Variants in KIAA1958 observed in about 807,000 individuals in gnomAD.
KIAA1958 encodes KIAA1958.
A neutral mutation model predicts 47.2 loss-of-function variants in KIAA1958; 14 were observed. That is an observed-to-expected ratio of 0.30 (90% CI 0.20 to 0.46). KIAA1958 has a LOEUF of 0.46. Ranked by LOEUF, KIAA1958 falls within the 20% of genes least tolerant of loss-of-function variation. The probability of loss-of-function intolerance (pLI) is 1.00; values close to 1 mark genes in which losing one functional copy is unlikely to be tolerated. For synonymous variants in KIAA1958, 354 were observed against 353.3 expected (o/e 1.00, Z -0.02); for missense variants, 803 against 909.2 (o/e 0.88, Z 1.50).
At chr9:112,548,153 G>A (rs973417513) in intron 1 of KIAA1958, among the ~76,000 whole-genome samples, 3 of 151,852 alleles carry the variant, frequency 2.0e-5, no homozygotes, top group South Asian at 2.1e-4. Context: ...ACAGGCAAGC[G>A]CCACCACACC....
At chr9:112,492,501 C>G (rs1039646991) in intron 1 of KIAA1958, among the ~76,000 whole-genome samples, 2 of 152,188 alleles carry the variant, frequency 1.3e-5, no homozygotes, top group Non-Finnish European at 2.9e-5. Context: ...GCCTATAACA[C>G]AGTCCATCCC....
chr9:112,557,102 G>T (rs1835255521), intron 1 of KIAA1958, among the ~76,000 whole-genome samples: 1 of 152,094 alleles, frequency 6.6e-6, no homozygotes, highest in Non-Finnish European at 1.5e-5. Context: ...GGGACTAACG[G>T]CACGTACCAC....
chr9:112,529,713 C>T (rs1397445117), intron 1 of KIAA1958, among the ~76,000 whole-genome samples: 2 of 152,152 alleles, frequency 1.3e-5, no homozygotes, highest in African/African-American at 4.8e-5. Context: ...ACTGTTGATG[C>T]CTTGAACCCT....
chr9:112,586,207 A>C (rs774346443), intron 2 of KIAA1958, among the ~76,000 whole-genome samples: 1 of 152,234 alleles, frequency 6.6e-6, no homozygotes, highest in Non-Finnish European at 1.5e-5. Context: ...TGGTTAAATG[A>C]ACAATTAAGC....
chr9:112,650,404 C>T (rs1030461219), intron 3 of KIAA1958, among the ~76,000 whole-genome samples: 6 of 151,968 alleles, frequency 3.9e-5, no homozygotes, highest in African/African-American at 1.2e-4. Context: ...GGAAAAAATG[C>T]ATACAGCAAT....
At chr9:112,557,143 A>AAG (rs1491045060) in intron 1 of KIAA1958, among the ~76,000 whole-genome samples, 1 of 140,910 alleles carries the variant, frequency 7.1e-6, no homozygotes, top group East Asian at 2.0e-4. Flanking sequence ...AGTCTTTTGT[A>AAG]GAGACAGGGT....
intron 2 of KIAA1958, among the ~76,000 whole-genome samples, chr9:112,643,766 A>G (rs1836931120): frequency 6.6e-6 from 1 of 152,238 alleles, no homozygotes; most frequent in Non-Finnish European, 1.5e-5. Flanking sequence ...AAAAAATAGT[A>G]AAGCAAATGT....
At chr9:112,594,441 C>G (rs1445940293) in intron 2 of KIAA1958, among the ~76,000 whole-genome samples, 1 of 152,176 alleles carries the variant, frequency 6.6e-6, no homozygotes, top group East Asian at 1.9e-4. Context: ...ACCCCCTAGT[C>G]TATGGATTTG....
intron 1 of KIAA1958, among the ~76,000 whole-genome samples, chr9:112,533,592 A>ACC (rs1215322889): frequency 2.3e-4 from 35 of 151,164 alleles, no homozygotes; most frequent in African/African-American, 6.5e-4. Flanking sequence ...AAAAAAAAAA[A>ACC]AAAAAAAAAA....
At chr9:112,548,574 T>C (rs1028455392) in intron 1 of KIAA1958, among the ~76,000 whole-genome samples, 1 of 152,196 alleles carries the variant, frequency 6.6e-6, no homozygotes, top group African/African-American at 2.4e-5. Flanking sequence ...TCAGGCTATA[T>C]TGTTGTTACT....
At chr9:112,577,349 A>G (rs1835663092) in intron 2 of KIAA1958, among the ~76,000 whole-genome samples, 1 of 152,098 alleles carries the variant, frequency 6.6e-6, no homozygotes, top group Non-Finnish European at 1.5e-5. Context: ...TGATCATTGA[A>G]TAACAATGTG....
chr9:112,521,086 TAAAA>T (rs952677198), intron 1 of KIAA1958, among the ~76,000 whole-genome samples: 7 of 152,180 alleles, frequency 4.6e-5, no homozygotes, highest in Admixed American at 6.5e-5. Context: ...ATTTTTCAAT[TAAAA>T]AAATTTTCTA....
intron 2 of KIAA1958, among the ~76,000 whole-genome samples, chr9:112,595,220 AC>A (rs1445324258): frequency 6.6e-6 from 1 of 152,254 alleles, no homozygotes; most frequent in African/African-American, 2.4e-5. Flanking sequence ...ACAATTAGAT[AC>A]AAGATAATCC....
chr9:112,664,033 T>C lies in KIAA1958; in HGVS notation c.*3964T>C, dbSNP rs1209607310. On this transcript the variant is annotated 3_prime_UTR_variant, in exon 4 of 4. Transcript: ENST00000337530. ...ATGCCGATATCACTTTGCTTAGCTA[T>C]AAAGTGCCATCAGTGGGATGGATCG... is the stretch of plus-strand genomic sequence containing the variant. 1 of 152,254 alleles carries C rather than the reference T, an allele frequency of 6.6e-6. No individual in the cohort carries two copies. The highest frequency in any genetic ancestry group is 1.5e-5 in the Non-Finnish European group (1 of 68,042). 9.4% of individuals were successfully genotyped at this position (152,254 alleles called of 1,614,324 possible). A position where few individuals can be genotyped will look rare whatever the true frequency, so the allele number is the denominator to read the frequency against.
chr9:112,501,944 AAAT>A (rs1453551411), intron 1 of KIAA1958, among the ~76,000 whole-genome samples: 1 of 152,266 alleles, frequency 6.6e-6, no homozygotes, highest in Non-Finnish European at 1.5e-5. Flanking sequence ...AAACCCTAAT[AAAT>A]AATAGATAAA....
At chr9:112,599,109 G>A (rs1231275609) in intron 2 of KIAA1958, among the ~76,000 whole-genome samples, 1 of 152,124 alleles carries the variant, frequency 6.6e-6, no homozygotes, top group Non-Finnish European at 1.5e-5. Context: ...TTAAAATTTT[G>A]CATTGGAAAG....
chr9:112,504,949 G>A (rs772853100), intron 1 of KIAA1958, among the ~76,000 whole-genome samples: 6 of 152,096 alleles, frequency 3.9e-5, no homozygotes, highest in Non-Finnish European at 7.3e-5. Context: ...GTTGAAGATA[G>A]TCACCCTACT....
intron 1 of KIAA1958, among the ~76,000 whole-genome samples, chr9:112,488,067 C>G (rs1433966912): frequency 2.0e-5 from 3 of 151,802 alleles, no homozygotes; most frequent in Non-Finnish European, 4.4e-5. Context: ...AGCTAACAAG[C>G]CAGTCAGGTA....
At chr9:112,548,860 C>T (rs555102545) in intron 1 of KIAA1958, among the ~76,000 whole-genome samples, 14 of 152,124 alleles carry the variant, frequency 9.2e-5, no homozygotes, top group African/African-American at 1.9e-4. Context: ...TCAATATGAC[C>T]GGTGTCCTTA....
Sources: allele counts gnomAD v4.1 joint callset (sites outside exome capture counted in the v4.1 genomes callset), GRCh38; gene constraint gnomAD v4.1.1; transcripts MANE v1.5; gene names NCBI Gene and HGNC (gene_info 2026-07-23, HGNC 2026-07-21).